NREP: variants seen among roughly 807,000 people sequenced by gnomAD.
NREP encodes neuronal regeneration-related protein.
In NREP, 5 loss-of-function variants were observed where a neutral mutation model predicts 8.6. That is an observed-to-expected ratio of 0.58 (90% CI 0.30 to 1.22). The LOEUF is 1.22. Ranked by LOEUF, NREP falls within the 50% of genes most tolerant of loss-of-function variation. The probability of loss-of-function intolerance (pLI) is 0.07; values close to 1 mark genes in which losing one functional copy is unlikely to be tolerated. For synonymous variants in NREP, 27 were observed against 28.0 expected (o/e 0.96, Z 0.11); for missense variants, 86 against 82.5 (o/e 1.04, Z -0.17).
At chr5:111,801,754 A>C (rs1390341516) in intron 2 of NREP, among the ~76,000 whole-genome samples, 1 of 152,242 alleles carries the variant, frequency 6.6e-6, no homozygotes, top group African/African-American at 2.4e-5. Flanking sequence ...TACAAAGATG[A>C]ACAATAAAAT....
chr5:111,905,756 C>A (rs1402364754), intron 2 of NREP, among the ~76,000 whole-genome samples: 1 of 151,982 alleles, frequency 6.6e-6, no homozygotes, highest in Admixed American at 6.6e-5. Context: ...ATCAAATATA[C>A]GCTATTATTA....
At chr5:111,829,439 C>A (rs1335226164) in intron 2 of NREP, among the ~76,000 whole-genome samples, 1 of 152,194 alleles carries the variant, frequency 6.6e-6, no homozygotes, top group Non-Finnish European at 1.5e-5. Context: ...GCAAGATAAT[C>A]TGACACCCAC....
At chr5:111,968,646 C>A (rs1756714256) in intron 2 of NREP, among the ~76,000 whole-genome samples, 1 of 152,096 alleles carries the variant, frequency 6.6e-6, no homozygotes, top group Non-Finnish European at 1.5e-5. Context: ...TGTCCTATGG[C>A]CAAAAACTGA....
downstream of NREP, chr5:111,729,264 C>G (rs1025222156): frequency 6.6e-6 from 1 of 152,172 alleles, no homozygotes; most frequent in Non-Finnish European, 1.5e-5. Context: ...AGAAGACATT[C>G]AAAACTAGGC....
At chr5:111,841,842 T>C (rs528638513) in intron 2 of NREP, among the ~76,000 whole-genome samples, 1 of 152,230 alleles carries the variant, frequency 6.6e-6, no homozygotes, top group African/African-American at 2.4e-5. Context: ...ACATTTCAGC[T>C]TTTGCTTACT....
intron 2 of NREP, among the ~76,000 whole-genome samples, chr5:111,829,373 G>A (rs539817827): frequency 6.6e-6 from 1 of 152,294 alleles, no homozygotes; most frequent in South Asian, 2.1e-4. Flanking sequence ...AGAGAAACCA[G>A]TTAAGACTCT....
intron 2 of NREP, among the ~76,000 whole-genome samples, chr5:111,798,139 C>G (rs1303773378): frequency 6.6e-6 from 1 of 152,070 alleles, no homozygotes; most frequent in Non-Finnish European, 1.5e-5. Context: ...ATTTGAACAA[C>G]TTACTATCTT....
chr5:111,739,716 T>C (rs114081367), intron 2 of NREP: 282 of 152,270 alleles, frequency 1.9e-3, no homozygotes, highest in African/African-American at 6.5e-3. Flanking sequence ...AACTTTCTTT[T>C]TGACACTTCA....
chr5:111,730,057 G>A lies in NREP; in HGVS notation c.*864C>T, dbSNP rs1278095368. The A allele has an allele frequency of 6.6e-6, 1 of 152,446 alleles. No homozygotes were observed. Among genetic ancestry groups the A allele is most frequent in the Admixed American group, 6.6e-5 (1 of 15,238 alleles). The allele number at this position is 152,446 out of a possible 1,614,324, so 9.4% of individuals were successfully genotyped here. A position where few individuals can be genotyped will look rare whatever the true frequency, so the allele number is the denominator to read the frequency against. ...TGCTTTTCTTTCTCTAAGTCAGGCA[G>A]GCGAGGCTACGGAAAGGAAGAGATT... On this transcript the variant is annotated 3_prime_UTR_variant, in exon 4 of 4. Transcript: ENST00000257435.
intron 3 of NREP, chr5:111,734,072 G>A (rs1337305219): frequency 6.6e-6 from 1 of 152,262 alleles, no homozygotes; most frequent in Non-Finnish European, 1.5e-5. Context: ...CTGGGAGCAT[G>A]TCTTTGTGTG....
chr5:111,824,187 G>A (rs1332164105), intron 2 of NREP, among the ~76,000 whole-genome samples: 2 of 152,094 alleles, frequency 1.3e-5, no homozygotes, highest in Admixed American at 6.6e-5. Context: ...TGGCTAACAC[G>A]GTGAAACCCC....
chr5:111,953,069 C>A (rs114722886), intron 2 of NREP, among the ~76,000 whole-genome samples: 3 of 152,088 alleles, frequency 2.0e-5, no homozygotes, highest in Admixed American at 6.5e-5. Context: ...GCTGAAATTA[C>A]GCTTTTTATG....
chr5:111,843,996 G>A (rs1433396241), intron 2 of NREP, among the ~76,000 whole-genome samples: 1 of 152,122 alleles, frequency 6.6e-6, no homozygotes, highest in Non-Finnish European at 1.5e-5. Flanking sequence ...CTTTAACAGA[G>A]GGACAAAGGA....
At chr5:111,827,321 C>G (rs1752652549) in intron 2 of NREP, among the ~76,000 whole-genome samples, 1 of 152,182 alleles carries the variant, frequency 6.6e-6, no homozygotes, top group Non-Finnish European at 1.5e-5. Context: ...TGTCAAGGAA[C>G]CAACATGTTA....
intron 2 of NREP, among the ~76,000 whole-genome samples, chr5:111,771,740 G>A (rs1751234617): frequency 6.9e-6 from 1 of 145,860 alleles, no homozygotes; most frequent in Non-Finnish European, 1.5e-5. Flanking sequence ...TCCAGCCTGG[G>A]CAACAAGAGT....
chr5:111,908,116 C>T (rs1390099339), intron 2 of NREP, among the ~76,000 whole-genome samples: 1 of 151,868 alleles, frequency 6.6e-6, no homozygotes, highest in East Asian at 1.9e-4. Flanking sequence ...GGAAAACTTC[C>T]ATCTTCTGTT....
chr5:111,822,884 G>A (rs933406435), intron 2 of NREP, among the ~76,000 whole-genome samples: 1 of 152,072 alleles, frequency 6.6e-6, no homozygotes, highest in Non-Finnish European at 1.5e-5. Context: ...ACATATCACT[G>A]GAATCAATAA....
chr5:111,938,284 C>T (rs144833706), intron 2 of NREP, among the ~76,000 whole-genome samples: 22 of 152,158 alleles, frequency 1.4e-4, no homozygotes, highest in Non-Finnish European at 2.8e-4. Context: ...TCCAGTTATC[C>T]TATCTATTTA....
intron 2 of NREP, among the ~76,000 whole-genome samples, chr5:111,950,659 C>A (rs577535): frequency 2.5e-4 from 37 of 149,940 alleles, no homozygotes; most frequent in Non-Finnish European, 4.7e-4. Context: ...TGACAAAGGT[C>A]TAATATCCAG....
Sources: gnomAD v4.1 joint callset for allele counts (sites outside exome capture counted in the v4.1 genomes callset) on GRCh38, gnomAD v4.1.1 for gene constraint, MANE v1.5 for transcripts, NCBI Gene and HGNC (gene_info 2026-07-23, HGNC 2026-07-21) for gene names.